SESTD1: variants seen among roughly 807,000 people sequenced by gnomAD.
The protein encoded by SESTD1 is SEC14 and spectrin domain containing 1, also known as SEC14 domain and spectrin repeat-containing protein 1.
SESTD1 carries 43 observed loss-of-function variants against 101.7 expected under a neutral mutation model. The observed-to-expected ratio is 0.42, with a 90% CI of 0.33 to 0.55. SESTD1 has a LOEUF of 0.55. SESTD1 is among the 20% of genes least tolerant of loss of function. SESTD1 has a pLI of 0.07. For missense variants in SESTD1, 647 were observed against 815.1 expected, an observed-to-expected ratio of 0.79 and a Z score of 2.51; for synonymous variants, 283 against 286.8, an observed-to-expected ratio of 0.99 and a Z score of 0.13.
intron 9 of SESTD1, among the ~76,000 whole-genome samples, chr2:179,137,828 C>G (rs146557671): frequency 6.6e-6 from 1 of 152,142 alleles, no homozygotes; most frequent in East Asian, 1.9e-4. Flanking sequence ...TCAATTTTCA[C>G]TGATTTAACA....
At chr2:179,237,910 T>C (rs995043532) in intron 1 of SESTD1, among the ~76,000 whole-genome samples, 2 of 152,100 alleles carry the variant, frequency 1.3e-5, no homozygotes. Context: ...CTTTGAGCAA[T>C]ACAGGGATTA....
rs1301150198 is a variant in SESTD1, at chr2:179,215,633, C to T, written c.-25-23767G>A. On this transcript the variant is annotated intron_variant, in intron 1 of 17. Transcript: ENST00000428443. The stretch of plus-strand genomic sequence containing the variant: ...GAAAAACAGGGAATCCTCCCTAACT[C>T]ATTTTATGAGGCCAGCATCATCCTG... 2.2e-5 allele frequency among the ~76,000 whole-genome samples: 3 copies of T among 134,864 alleles called. 1 individual carries two copies. The highest frequency in any genetic ancestry group is 4.8e-5 in the Non-Finnish European group (3 of 62,738). The allele number at this position is 134,864 out of a possible 152,430, so 88.5% of individuals were successfully genotyped here.
chr2:179,200,010 G>A (rs1197028383), intron 1 of SESTD1, among the ~76,000 whole-genome samples: 3 of 152,150 alleles, frequency 2.0e-5, no homozygotes, highest in Non-Finnish European at 2.9e-5. Context: ...CGACATGATT[G>A]TATACCTAGA....
At chr2:179,159,635 T>C (rs2045696268) in intron 5 of SESTD1, among the ~76,000 whole-genome samples, 1 of 152,204 alleles carries the variant, frequency 6.6e-6, no homozygotes, top group African/African-American at 2.4e-5. Flanking sequence ...ACTAGGTGAT[T>C]TTCTATAAAT....
chr2:179,230,575 A>C (rs1217859829), intron 1 of SESTD1, among the ~76,000 whole-genome samples: 4 of 152,152 alleles, frequency 2.6e-5, no homozygotes, highest in Non-Finnish European at 5.9e-5. Flanking sequence ...TCAAAAATAG[A>C]GTAAAACCTT....
intron 10 of SESTD1, among the ~76,000 whole-genome samples, chr2:179,131,152 A>G (rs1348818117): frequency 6.6e-6 from 1 of 152,122 alleles, no homozygotes; most frequent in Non-Finnish European, 1.5e-5. Flanking sequence ...GCTTTAGGGT[A>G]TAGTAGTAGA....
Position 179,212,831 on chromosome 2 carries a change from C to CG in SESTD1, c.-25-20966dup, listed in dbSNP as rs1470013763. ...GCAATATTTGCTGTTCTGCAGCCTC[C>CG]GCTGGTGATACCCAGGCAAACAGGG... On this transcript the variant is annotated intron_variant, in intron 1 of 17. Coordinates refer to ENST00000428443, the MANE Select transcript of SESTD1 (RefSeq NM_178123.5). Among the ~76,000 whole-genome samples the CG allele has an allele frequency of 1.3e-4, 18 of 134,950 alleles. 1 individual carries two copies. In the East Asian group the frequency reaches 3.6e-3, roughly 27 times the overall value. The allele number at this position is 134,950 out of a possible 152,430, so 88.5% of individuals were successfully genotyped here. A position where few individuals can be genotyped will look rare whatever the true frequency, so the allele number is the denominator to read the frequency against.
chr2:179,232,300 G>A (rs2046999567), intron 1 of SESTD1, among the ~76,000 whole-genome samples: 1 of 151,920 alleles, frequency 6.6e-6, no homozygotes, highest in Non-Finnish European at 1.5e-5. Context: ...AAAATCTGTA[G>A]CTTTGAACAT....
At chr2:179,147,749 T>C (rs973494515) in intron 7 of SESTD1, among the ~76,000 whole-genome samples, 1 of 152,202 alleles carries the variant, frequency 6.6e-6, no homozygotes, top group Non-Finnish European at 1.5e-5. Context: ...TTCACAGTCA[T>C]TCTCAAAGAG....
At chr2:179,248,859 T>C (rs1254225902) in intron 1 of SESTD1, among the ~76,000 whole-genome samples, 10 of 150,922 alleles carry the variant, frequency 6.6e-5, no homozygotes, top group Admixed American at 2.6e-4. Flanking sequence ...GGTAGGAAAA[T>C]TGCTTTAGCC....
chr2:179,196,289 C>T (rs1574026710), intron 1 of SESTD1, among the ~76,000 whole-genome samples: 2 of 152,344 alleles, frequency 1.3e-5, no homozygotes, highest in African/African-American at 4.8e-5. Context: ...CATCCCGCAC[C>T]TGGCTCGGAG....
chr2:179,157,793 G>C (rs1330221561), intron 5 of SESTD1, among the ~76,000 whole-genome samples: 1 of 152,154 alleles, frequency 6.6e-6, no homozygotes, highest in African/African-American at 2.4e-5. Flanking sequence ...TTGGGAATAT[G>C]AGGATGAATA....
chr2:179,224,303 G>A (rs756926395), intron 1 of SESTD1, among the ~76,000 whole-genome samples: 1 of 152,112 alleles, frequency 6.6e-6, no homozygotes, highest in African/African-American at 2.4e-5. Context: ...AACTATTACT[G>A]TCACCATTTA....
chr2:179,112,643 AAAG>A, intron 17 of SESTD1, 78 bp downstream of exon 17: 1 of 1,449,718 alleles, frequency 6.9e-7, no homozygotes, highest in Non-Finnish European at 9.0e-7. Flanking sequence ...TTGGCTTTTT[AAAG>A]AATAGATTTC....
chr2:179,166,657 T>A (rs1377572840), intron 5 of SESTD1, among the ~76,000 whole-genome samples: 1 of 152,136 alleles, frequency 6.6e-6, no homozygotes, highest in Non-Finnish European at 1.5e-5. Context: ...AACAGCAGCC[T>A]ATTGCTGAGA....
chr2:179,111,773 G>T (rs904861716), intron 17 of SESTD1, among the ~76,000 whole-genome samples: 1 of 148,408 alleles, frequency 6.7e-6, no homozygotes, highest in Non-Finnish European at 1.5e-5. Context: ...AGGCTGGAGC[G>T]CAGTGGCGTG....
At chr2:179,205,700 C>G (rs1235605388) in intron 1 of SESTD1, among the ~76,000 whole-genome samples, 2 of 134,840 alleles carry the variant, frequency 1.5e-5, no homozygotes, top group East Asian at 4.0e-4. Flanking sequence ...GATAAAAATG[C>G]AGCTTAAATA....
chr2:179,248,060 A>C (rs1251234736), intron 1 of SESTD1, among the ~76,000 whole-genome samples: 1 of 151,680 alleles, frequency 6.6e-6, no homozygotes, highest in Non-Finnish European at 1.5e-5. Flanking sequence ...AGAAGGGGGA[A>C]AAAAGGCAAA....
At chr2:179,112,252 T>C (rs1421227421) in intron 17 of SESTD1, among the ~76,000 whole-genome samples, 3 of 152,186 alleles carry the variant, frequency 2.0e-5, no homozygotes, top group African/African-American at 7.2e-5. Flanking sequence ...CCTGAGAGCC[T>C]TACTTAATCT....
Sources: allele counts gnomAD v4.1 joint callset (sites outside exome capture counted in the v4.1 genomes callset), GRCh38; gene constraint gnomAD v4.1.1; transcripts MANE v1.5; gene names NCBI Gene and HGNC (gene_info 2026-07-23, HGNC 2026-07-21).